The following ACSL3 variants were observed in gnomAD, a reference collection of about 807,000 sequenced individuals.
ACSL3 encodes the protein acyl-CoA synthetase long chain family member 3, also known as fatty acid CoA ligase Acsl3.
Under a neutral mutation model 84.7 loss-of-function variants are expected in ACSL3, and 34 were observed. The observed-to-expected ratio is 0.40, with a 90% confidence interval of 0.31 to 0.53. The LOEUF is 0.53. Among genes scored for constraint, ACSL3 ranks in the 20% least tolerant of loss-of-function variants. ACSL3 has a pLI of 0.48. For synonymous variants in ACSL3, 315 were observed against 299.4 expected, an observed-to-expected ratio of 1.05 and a Z score of -0.54; for missense variants, 680 against 873.1, an observed-to-expected ratio of 0.78 and a Z score of 2.79.
rs1349148608 is a variant in ACSL3 at position 222,861,895 on chromosome 2, G to C, written c.-207+637G>C. The stretch of plus-strand genomic sequence containing the variant: ...ATACTGTTGATAGGTTGGGTAACTC[G>C]GGGACTGCTTACTACCAGCAGTCCT... On this transcript the variant is annotated intron_variant, in intron 1 of 16. Coordinates refer to ENST00000357430, the MANE Select transcript of ACSL3 (RefSeq NM_004457.5). Among the ~76,000 whole-genome samples the C allele has an allele frequency of 3.3e-5, 5 of 152,110 alleles. No individual in the cohort carries two copies. In the East Asian group the frequency reaches 9.7e-4, roughly 29 times the overall value.
At chr2:222,929,923 CTTTT>C (rs56685446) in intron 13 of ACSL3, among the ~76,000 whole-genome samples, 3 of 77,364 alleles carry the variant, frequency 3.9e-5, no homozygotes, top group Admixed American at 1.6e-4. Context: ...TAGTAACTCA[CTTTT>C]TTTTTTTTTT....
chr2:222,882,444 C>A (rs1398196646), intron 1 of ACSL3, among the ~76,000 whole-genome samples: 1 of 152,156 alleles, frequency 6.6e-6, no homozygotes, highest in African/African-American at 2.4e-5. Context: ...TCGTGGAAGA[C>A]AGTTTTTCCA....
intron 1 of ACSL3, among the ~76,000 whole-genome samples, chr2:222,873,206 C>T (rs569806262): frequency 6.6e-6 from 1 of 152,316 alleles, no homozygotes; most frequent in African/African-American, 2.4e-5. Flanking sequence ...AAATTATCTT[C>T]AGCAGTATTA....
Position 222,928,777 on chromosome 2 carries a change from A to T in ACSL3, c.1466-85A>T, listed in dbSNP as rs945966851. Reference sequence around the variant, plus strand: ...GCTGGGGATACCTCAGCCTTAGGATAAATAATCATTTTTGGTAATTTAGAA... The same window carrying T: ...GCTGGGGATACCTCAGCCTTAGGATTAATAATCATTTTTGGTAATTTAGAA... On this transcript the variant is annotated intron_variant, in intron 12 of 16. Coordinates refer to ENST00000357430, the MANE Select transcript of ACSL3 (RefSeq NM_004457.5). The T allele has an allele frequency of 4.3e-6, 5 of 1,155,456 alleles. No homozygotes were observed. In the African/African-American group the frequency reaches 7.7e-5, roughly 18 times the overall value. 71.6% of individuals were successfully genotyped at this position (1,155,456 alleles called of 1,614,324 possible). A position where few individuals can be genotyped will look rare whatever the true frequency, so the allele number is the denominator to read the frequency against.
intron 13 of ACSL3, among the ~76,000 whole-genome samples, chr2:222,929,666 T>C (rs2106137293): frequency 1.3e-5 from 2 of 151,978 alleles, no homozygotes; most frequent in Middle Eastern, 3.4e-3. Context: ...TAATTCCAGC[T>C]ACTCGGGAGG....
intron 12 of ACSL3, among the ~76,000 whole-genome samples, chr2:222,927,465 G>C (rs1187220952): frequency 6.6e-6 from 1 of 152,178 alleles, no homozygotes; most frequent in Non-Finnish European, 1.5e-5. Context: ...AACAAACACT[G>C]ACTGTTTTGT....
rs186654877 is a variant in ACSL3 at position 222,937,654 on chromosome 2, A to G, written c.2005+2967A>G. Among the ~76,000 whole-genome samples the G allele has an allele frequency of 1.2e-3, 177 of 152,170 alleles. 1 individual carries two copies. Among genetic ancestry groups the G allele is most frequent in the African/African-American group, 3.8e-3 (158 of 41,558 alleles). ...AGGTTCTTATTTTCATGGAATATCT[A>G]TTTCCATCCTTCACTTTAGGTTACG... On this transcript the variant is annotated intron_variant, in intron 16 of 16. Coordinates refer to ENST00000357430, the MANE Select transcript of ACSL3 (RefSeq NM_004457.5).
chr2:222,881,007 C>G (rs746197508), intron 1 of ACSL3, among the ~76,000 whole-genome samples: 1 of 152,108 alleles, frequency 6.6e-6, no homozygotes, highest in Non-Finnish European at 1.5e-5. Flanking sequence ...GTATTCATAA[C>G]TGTCGTTTAT....
intron 3 of ACSL3, among the ~76,000 whole-genome samples, chr2:222,901,964 A>AAAAAAAAAAAAAAAAAAG (rs57522671): frequency 2.0e-5 from 2 of 99,456 alleles, no homozygotes; most frequent in African/African-American, 4.1e-5. Flanking sequence ...AAAAAAAAAA[A>AAAAAAAAAAAAAAAAAAG]GAACTCAAAT....
intron 1 of ACSL3, among the ~76,000 whole-genome samples, chr2:222,873,631 A>T (rs781626540): frequency 6.6e-6 from 1 of 152,224 alleles, no homozygotes; most frequent in Admixed American, 6.5e-5. Flanking sequence ...GTATGTTAAC[A>T]AAAGTGGAAA....
chr2:222,874,782 T>C (rs1303937796), intron 1 of ACSL3, among the ~76,000 whole-genome samples: 1 of 152,146 alleles, frequency 6.6e-6, no homozygotes, highest in African/African-American at 2.4e-5. Context: ...TATATCCTGC[T>C]GAAGGATTTG....
rs1696899601 is a variant in ACSL3, at chr2:222,927,055, A to G, written c.1331A>G (p.Asn444Ser). The G allele has an allele frequency of 6.2e-7, 1 of 1,613,758 alleles. No homozygotes were observed. The change falls in exon 12 of 17, where the codon AAT (asparagine) becomes AGT (serine). Residue 444 changes from asparagine to serine, a missense_variant. Around this residue, in one of 2 missense-constraint regions of ACSL3, gnomAD observed 347 missense variants for 525.7 expected, o/e 0.66. Coordinates refer to ENST00000357430, the MANE Select transcript of ACSL3 (RefSeq NM_004457.5). ...FRKVRSLLGG[N>S]IRLLLCGGAP... ...AAAGTTCGAAGCTTGCTAGGGGGAAATATTCGTCTCCTGTTGTGTGGTGGC... is the reference window on the plus strand; with the variant it reads ...AAAGTTCGAAGCTTGCTAGGGGGAAGTATTCGTCTCCTGTTGTGTGGTGGC...
intron 1 of ACSL3, among the ~76,000 whole-genome samples, chr2:222,870,565 C>T (rs1695273981): frequency 6.6e-6 from 1 of 152,076 alleles, no homozygotes; most frequent in South Asian, 2.1e-4. Context: ...GGGGCTAGGG[C>T]CAGTGGAGGT....
intron 4 of ACSL3, among the ~76,000 whole-genome samples, chr2:222,912,635 T>C (rs972087927): frequency 2.0e-5 from 3 of 152,244 alleles, no homozygotes; most frequent in African/African-American, 7.2e-5. Context: ...TTATTTCAAA[T>C]TAATGAACTT....
chr2:222,911,132 G>A (rs1293979670), intron 4 of ACSL3, among the ~76,000 whole-genome samples: 1 of 150,212 alleles, frequency 6.7e-6, no homozygotes, highest in African/African-American at 2.5e-5. Flanking sequence ...TCACCGCAAC[G>A]TCCGCCTTCT....
rs57522671 is a variant in ACSL3 at position 222,901,964 on chromosome 2, A to AAAAAAAAAAAAAAAAG, written c.-41+1184_-41+1185insAAAAAAAAAAAAAAAG. Among the ~76,000 whole-genome samples, 23 of 99,454 alleles carry AAAAAAAAAAAAAAAAG rather than the reference A, an allele frequency of 2.3e-4. 1 individual carries two copies. The highest frequency in any genetic ancestry group is 6.9e-4 in the African/African-American group (17 of 24,628). The allele number at this position is 99,454 out of a possible 152,430, so 65.2% of individuals were successfully genotyped here. A position where few individuals can be genotyped will look rare whatever the true frequency, so the allele number is the denominator to read the frequency against. ...GTCTCAAAAAAAAAAAAAAAAAAAAAGAACTCAAATATTGTTGAGGTAGCA... is the reference window on the plus strand; with the variant it reads ...GTCTCAAAAAAAAAAAAAAAAAAAAAAAAAAAAAAAAAAAAGGAACTCAAATATTGTTGAGGTAGCA... On this transcript the variant is annotated intron_variant, in intron 3 of 16. Transcript: ENST00000357430.
At chr2:222,922,977 G>C in intron 9 of ACSL3, 101 bp from the exon 10 acceptor site, 1 of 1,332,942 alleles carries the variant, frequency 7.5e-7, no homozygotes, top group Non-Finnish European at 1.0e-6. Flanking sequence ...TAGACTGTAA[G>C]TACATTAAAA....
chr2:222,913,032 C>T (rs1025196374), intron 4 of ACSL3, among the ~76,000 whole-genome samples: 1 of 152,044 alleles, frequency 6.6e-6, no homozygotes, highest in African/African-American at 2.4e-5. Flanking sequence ...AACAAAGCTG[C>T]AAAGACTAAA....
chr2:222,931,241 A>G (rs1457008185), intron 14 of ACSL3, among the ~76,000 whole-genome samples: 1 of 151,760 alleles, frequency 6.6e-6, no homozygotes, highest in Admixed American at 6.6e-5. Flanking sequence ...TTTTTTTTAA[A>G]AGTTAATGGC....
Sources: allele counts gnomAD v4.1 joint callset (sites outside exome capture counted in the v4.1 genomes callset), GRCh38; gene constraint gnomAD v4.1.1; regional missense constraint gnomAD v4.1.1; transcripts MANE v1.5; gene names NCBI Gene and HGNC (gene_info 2026-07-23, HGNC 2026-07-21).